The following PALS2 variants were observed in gnomAD, a reference collection of about 807,000 sequenced individuals.
PALS2 encodes protein PALS2.
A neutral mutation model predicts 61.6 loss-of-function variants in PALS2; 27 were observed. That is an observed-to-expected ratio of 0.44 (90% CI 0.32 to 0.60). PALS2 has a LOEUF of 0.60. PALS2 is among the 20% of genes least tolerant of loss of function. The probability of loss-of-function intolerance (pLI) is 0.05; values close to 1 mark genes in which losing one functional copy is unlikely to be tolerated. For missense variants in PALS2, 554 were observed against 639.4 expected (o/e 0.87, Z 1.44); for synonymous variants, 236 against 218.6 (o/e 1.08, Z -0.70).
intron 5 of PALS2, among the ~76,000 whole-genome samples, chr7:24,656,110 C>T (rs974403356): frequency 2.6e-5 from 4 of 152,096 alleles, no homozygotes; most frequent in Non-Finnish European, 5.9e-5. Context: ...CTTTGTTCAC[C>T]ATCTTGTCAC....
chr7:24,623,571 T>C, intron 1 of PALS2, 95 bp from the exon 2 acceptor site: 3 of 634,988 alleles, frequency 4.7e-6, no homozygotes, highest in Non-Finnish European at 7.9e-6. Context: ...TCTAGTTGCA[T>C]TATTAAAATA....
intron 2 of PALS2, 38 bp downstream of exon 2, chr7:24,623,822 G>T: frequency 7.1e-7 from 1 of 1,408,186 alleles, no homozygotes; most frequent in Non-Finnish European, 9.8e-7. Flanking sequence ...GAATTATTTT[G>T]GACTTAGTTT....
At chr7:24,640,536 C>T (rs1785476649) in intron 2 of PALS2, among the ~76,000 whole-genome samples, 1 of 152,060 alleles carries the variant, frequency 6.6e-6, no homozygotes. Flanking sequence ...ATAAGATTTG[C>T]TATCTTACAT....
Position 24,692,775 on chromosome 7 carries a change from T to G in PALS2, c.*5161T>G, listed in dbSNP as rs916150999. On this transcript the variant is annotated 3_prime_UTR_variant, in exon 12 of 12. Coordinates refer to ENST00000222644, the MANE Select transcript of PALS2 (RefSeq NM_001303037.2). ...AGTACTCGGTTACACCAGAAGACTC[T>G]GATCTTTGCCCCCGAAAACTGTCCT... The G allele has an allele frequency of 1.3e-5, 2 of 152,188 alleles. No homozygotes were observed. The highest frequency in any genetic ancestry group is 4.8e-5 in the African/African-American group (2 of 41,458). 9.4% of individuals were successfully genotyped at this position (152,188 alleles called of 1,614,324 possible). A position where few individuals can be genotyped will look rare whatever the true frequency, so the allele number is the denominator to read the frequency against.
chr7:24,584,805 T>G (rs1782994252), intron 1 of PALS2, among the ~76,000 whole-genome samples: 2 of 151,756 alleles, frequency 1.3e-5, no homozygotes, highest in African/African-American at 2.4e-5. Context: ...GGTCTAACGT[T>G]TAAGTCTTTA....
intron 2 of PALS2, among the ~76,000 whole-genome samples, chr7:24,640,319 T>G (rs1785458644): frequency 6.6e-6 from 1 of 152,200 alleles, no homozygotes; most frequent in African/African-American, 2.4e-5. Context: ...ATTTTACTCC[T>G]GTGAATTACC....
chr7:24,663,115 TA>T (rs1191431544), intron 5 of PALS2, among the ~76,000 whole-genome samples: 2 of 152,238 alleles, frequency 1.3e-5, no homozygotes, highest in African/African-American at 4.8e-5. Context: ...GGCTACCAAA[TA>T]TATTTCATAT....
chr7:24,576,037 A>T (rs1298597901), intron 1 of PALS2, among the ~76,000 whole-genome samples: 1 of 152,088 alleles, frequency 6.6e-6, no homozygotes, highest in African/African-American at 2.4e-5. Context: ...TGTTTATTTC[A>T]GGAAGAATGA....
rs1783533829 is a variant in PALS2, at chr7:24,596,607, GTTAA to G, written c.-3+23018_-3+23021del. ...AAATAATGAAGTTTTGACTTGCTTT[GTTAA>G]TTAGTGGTTGGGTGAATAAAAATTT... is the stretch of plus-strand genomic sequence containing the variant. On this transcript the variant is annotated intron_variant, in intron 1 of 11. Transcript: ENST00000222644. This position sits in a 1 kb window ranked among gnomAD's most constrained non-coding sequence, Gnocchi z 4.5. Among the ~76,000 whole-genome samples, 1 of 152,048 alleles carries G rather than the reference GTTAA, an allele frequency of 6.6e-6. No homozygotes were observed. Among genetic ancestry groups the G allele is most frequent in the African/African-American group, 2.4e-5 (1 of 41,408 alleles).
intron 5 of PALS2, among the ~76,000 whole-genome samples, chr7:24,651,239 A>G (rs1274502337): frequency 2.6e-5 from 4 of 152,194 alleles, no homozygotes; most frequent in African/African-American, 7.2e-5. Context: ...TGTTTTAGTT[A>G]TAGAGATTGT....
intron 2 of PALS2, among the ~76,000 whole-genome samples, chr7:24,640,954 G>T (rs1231288038): frequency 1.4e-5 from 2 of 141,880 alleles, no homozygotes; most frequent in Admixed American, 7.6e-5. Context: ...CTTGCAGTGA[G>T]CTGAGGTCGC....
chr7:24,629,205 G>T (rs531236762), intron 2 of PALS2, among the ~76,000 whole-genome samples: 1 of 152,150 alleles, frequency 6.6e-6, no homozygotes, highest in South Asian at 2.1e-4. Context: ...CAACCATCTG[G>T]TCTTTGACAA....
intron 1 of PALS2, among the ~76,000 whole-genome samples, chr7:24,617,234 T>C (rs1784324002): frequency 6.6e-6 from 1 of 152,182 alleles, no homozygotes; most frequent in South Asian, 2.1e-4. Flanking sequence ...AAGATTTCTG[T>C]TTTCTAATAT....
Position 24,687,551 on chromosome 7 carries a change from G to A in PALS2, c.1560G>A (p.Leu520=), listed in dbSNP as rs751393034. 1.2e-6 allele frequency: 2 copies of A among 1,612,974 alleles called. No homozygotes were observed. The highest frequency in any genetic ancestry group is 1.3e-5 in the African/African-American group (1 of 74,984). ...ATCTAGACAAAGCCTTTGAAAAACT[G>A]CAAACTGCCATAGAGAAACTGAGAA... The part of the protein sequence containing the change: ...NDNLDKAFEK[L]QTAIEKLRME... The change falls in exon 12 of 12, where the codon CTG becomes CTA. Residue 520 remains leucine (L), a synonymous_variant. Coordinates refer to ENST00000222644, the MANE Select transcript of PALS2 (RefSeq NM_001303037.2). The surrounding 1 kb of genome is among the most constrained non-coding windows in gnomAD (Gnocchi z 4.5).
intron 3 of PALS2, among the ~76,000 whole-genome samples, chr7:24,648,884 G>A: frequency 7.0e-6 from 1 of 143,192 alleles, no homozygotes; most frequent in Non-Finnish European, 1.5e-5. Context: ...CAGCCTAGGT[G>A]ACAGAGTGAG....
At position 24,668,631 on chromosome 7, in the gene PALS2, A is replaced by G. The variant is rs1249062597; in HGVS notation, c.1085A>G (p.Asn362Ser). 1.9e-6 allele frequency: 3 copies of G among 1,613,834 alleles called. No individual in the cohort carries two copies. The African/African-American group carries it at 4.0e-5, about 22-fold the overall frequency. ...TTGAAAAACAGGTTCATAGTATTGA[A>G]TCCCACTAGATTTGGAACTACGGTG... is the stretch of plus-strand genomic sequence containing the variant. Reference protein sequence around the residue: ...RSLKNRFIVLNPTRFGTTVPF... With the variant: ...RSLKNRFIVLSPTRFGTTVPF... Residue 362 changes from asparagine (N) to serine (S), a missense_variant, in exon 9 of 12, where the codon AAT becomes AGT. Coordinates refer to ENST00000222644, the MANE Select transcript of PALS2 (RefSeq NM_001303037.2).
intron 1 of PALS2, among the ~76,000 whole-genome samples, chr7:24,591,737 A>G (rs574186299): frequency 4.6e-5 from 7 of 152,254 alleles, no homozygotes; most frequent in African/African-American, 1.4e-4. Context: ...ATGTTCATCA[A>G]CTGGTCAATA....
intron 1 of PALS2, among the ~76,000 whole-genome samples, chr7:24,575,470 C>A (rs1049695169): frequency 6.6e-6 from 1 of 152,106 alleles, no homozygotes; most frequent in African/African-American, 2.4e-5. Context: ...ACTACATAGC[C>A]TGCTTCTCTC....
chr7:24,606,312 T>TTTATTCCATTTATTG (rs1783897250), intron 1 of PALS2, among the ~76,000 whole-genome samples: 1 of 152,136 alleles, frequency 6.6e-6, no homozygotes. Context: ...GGAAACAGAC[T>TTTATTCCATTTATTG]CCAAGACACT....
Sources: allele counts gnomAD v4.1 joint callset (sites outside exome capture counted in the v4.1 genomes callset), GRCh38; gene constraint gnomAD v4.1.1; non-coding constraint Gnocchi (gnomAD v3.1); transcripts MANE v1.5; gene names NCBI Gene and HGNC (gene_info 2026-07-23, HGNC 2026-07-21).